Variants in GANAB observed in about 807,000 individuals in gnomAD.
GANAB encodes the protein glucosidase II alpha subunit.
A neutral mutation model predicts 129.9 loss-of-function variants in GANAB; 35 were observed. The ratio of observed to expected loss-of-function variants is 0.27; its 90% CI spans 0.21 to 0.36. GANAB has a LOEUF of 0.36. Ranked by LOEUF, GANAB falls within the 10% of genes least tolerant of loss-of-function variation. The probability of loss-of-function intolerance (pLI) is 1.00; values close to 1 mark genes in which losing one functional copy is unlikely to be tolerated. For synonymous variants in GANAB, 482 were observed against 451.8 expected (o/e 1.07, Z -0.85); for missense variants, 939 against 1,221.0 (o/e 0.77, Z 3.44).
chr11:62,634,313 G>A, intron 5 of GANAB: 1 of 1,599,302 alleles, frequency 6.3e-7, no homozygotes, highest in Non-Finnish European at 8.6e-7. Flanking sequence ...GATTTACCTA[G>A]AGAAAAGGTT....
chr11:62,630,068 C>G, intron 13 of GANAB, 111 bp from the exon 14 acceptor site: 2 of 1,349,766 alleles, frequency 1.5e-6, no homozygotes, highest in Admixed American at 3.7e-5. Context: ...TTTCAGGGCC[C>G]TCCCCGGATC....
intron 4 of GANAB, among the ~76,000 whole-genome samples, chr11:62,637,898 C>CA (rs975916004): frequency 0.011 from 1,388 of 120,866 alleles, 16 homozygotes; most frequent in African/African-American, 0.037. Context: ...GACTCCATCT[C>CA]AAAAAAAAAA....
intron 4 of GANAB, among the ~76,000 whole-genome samples, chr11:62,637,630 C>T (rs745492563): frequency 3.9e-5 from 6 of 152,092 alleles, no homozygotes; most frequent in Non-Finnish European, 8.8e-5. Flanking sequence ...GGCTTATCAA[C>T]CTAAAAATGG....
At chr11:62,633,594 G>C (rs1432236998) in intron 5 of GANAB, 80 bp from the exon 6 acceptor site, 5 of 1,253,192 alleles carry the variant, frequency 4.0e-6, no homozygotes, top group African/African-American at 1.5e-5. Context: ...TTGGGGAATA[G>C]AGAGCCAAGG....
chr11:62,635,759 G>A (rs1943915517), intron 4 of GANAB, among the ~76,000 whole-genome samples: 1 of 151,492 alleles, frequency 6.6e-6, no homozygotes, highest in South Asian at 2.1e-4. Flanking sequence ...CCTAGTAACT[G>A]ATATTACAGG....
At position 62,632,570 on chromosome 11, in the gene GANAB, C is replaced by T. The variant is rs1201511915; in HGVS notation, c.991G>A (p.Gly331Arg). Reference protein sequence around the residue: ...TWVDISSNTAGKTLFGKMMDY... With the variant: ...TWVDISSNTARKTLFGKMMDY... ...CCCCGTGCCTGTGCTCTCACCTTCCCGGCAGTGTTGGAAGATATATCAACC... is the reference window on the plus strand; with the variant it reads ...CCCCGTGCCTGTGCTCTCACCTTCCTGGCAGTGTTGGAAGATATATCAACC... Residue 331 changes from glycine (G) to arginine (R), a missense_variant, in exon 9 of 24, where the codon GGG becomes AGG. This residue lies in a region of GANAB where 220 missense variants were observed against 295.9 expected (regional missense o/e 0.74). Coordinates refer to ENST00000356638, the MANE Select transcript of GANAB (RefSeq NM_198334.3). The T allele has an allele frequency of 3.7e-6, 6 of 1,612,908 alleles. No individual in the cohort carries two copies. The East Asian group carries it at 6.7e-5, about 18-fold the overall frequency.
chr11:62,642,226 A>AT (rs757427072), intron 1 of GANAB, among the ~76,000 whole-genome samples: 49 of 151,740 alleles, frequency 3.2e-4, no homozygotes, highest in East Asian at 1.4e-3. Flanking sequence ...ATAAATAAAA[A>AT]TTTTTTTTGG....
At position 62,626,916 on chromosome 11, in the gene GANAB, T is replaced by C. The variant is rs1446590686; in HGVS notation, c.2341A>G (p.Ser781Gly). ...GQGEVWYDIQ[S>G]YQKHHGPQTL... ...TGGGGACCATGATGCTTCTGGTAGC[T>C]TTGAATGTCATACCACACCTGTGAG... is the stretch of plus-strand genomic sequence containing the variant. The change falls in exon 20 of 24, where the codon AGC (serine) becomes GGC (glycine). Residue 781 changes from serine (S) to glycine (G), a missense_variant. Physicochemically the swap from Ser to Gly is moderately conservative, Grantham distance 56. This residue lies in a region of GANAB where 230 missense variants were observed against 259.9 expected (regional missense o/e 0.89). Coordinates refer to ENST00000356638, the MANE Select transcript of GANAB (RefSeq NM_198334.3). 1.2e-6 allele frequency: 2 copies of C among 1,612,174 alleles called. No homozygotes were observed. The highest frequency in any genetic ancestry group is 1.7e-6 in the Non-Finnish European group (2 of 1,178,364).
In GANAB at chr11:62,625,845, C is replaced by T; in HGVS notation, c.2805G>A (p.Val935=). 1.2e-6 allele frequency: 2 copies of T among 1,612,648 alleles called. No homozygotes were observed. Among genetic ancestry groups the T allele is most frequent in the African/African-American group, 1.3e-5 (1 of 74,992 alleles). The stretch of plus-strand genomic sequence containing the variant: ...GCAGGTGAATACTCCAATCAGATGC[C>T]ACATTGATGCCAGGCTTGCGCAGGA... The part of the protein sequence containing the change: ...VLVLRKPGIN[V]ASDWSIHLR Residue 935 remains valine, a synonymous_variant, in exon 24 of 24, where the codon GTG becomes GTA. Transcript: ENST00000356638.
At chr11:62,637,787 C>T (rs1485888700) in intron 4 of GANAB, among the ~76,000 whole-genome samples, 1 of 151,672 alleles carries the variant, frequency 6.6e-6, no homozygotes, top group Non-Finnish European at 1.5e-5. Flanking sequence ...GTAATTCCAG[C>T]ACTTTGGGAG....
At chr11:62,634,354 G>A in intron 5 of GANAB, 3 of 1,611,608 alleles carry the variant, frequency 1.9e-6, no homozygotes, top group South Asian at 2.2e-5. Context: ...TACCAAGCGT[G>A]AGATTAACCT....
intron 1 of GANAB, among the ~76,000 whole-genome samples, chr11:62,644,022 G>A (rs113151140): frequency 2.7e-4 from 41 of 152,266 alleles, no homozygotes; most frequent in African/African-American, 8.4e-4. Flanking sequence ...TTGGCTCACC[G>A]CAACCTCTGC....
At position 62,646,447 on chromosome 11, in the gene GANAB, G is replaced by T; in HGVS notation, c.38+115C>A. On this transcript the variant is annotated intron_variant, in intron 1 of 23. Coordinates refer to ENST00000356638, the MANE Select transcript of GANAB (RefSeq NM_198334.3). ...TGAGGCCGCCTCCAGAGGAACAAAG[G>T]TTCCTCACGAGGCCGGGGGTGGCAG... The T allele has an allele frequency of 2.4e-6, 3 of 1,225,364 alleles. No individual in the cohort carries two copies. In the South Asian group the frequency reaches 3.7e-5, roughly 15 times the overall value. 75.9% of individuals were successfully genotyped at this position (1,225,364 alleles called of 1,614,324 possible). A position where few individuals can be genotyped will look rare whatever the true frequency, so the allele number is the denominator to read the frequency against.
intron 4 of GANAB, among the ~76,000 whole-genome samples, chr11:62,636,864 T>C (rs920183597): frequency 6.6e-5 from 10 of 152,040 alleles, no homozygotes; most frequent in African/African-American, 2.2e-4. Context: ...GAGGCGGAGG[T>C]TGTGGTGAGC....
At chr11:62,637,053 G>T (rs1040427802) in intron 4 of GANAB, among the ~76,000 whole-genome samples, 1 of 151,910 alleles carries the variant, frequency 6.6e-6, no homozygotes. Context: ...AGGAATTTCT[G>T]TTTATCAAAA....
rs71056537 is a variant in GANAB at position 62,638,580 on chromosome 11, GAGGA to G, written c.380+399_380+402del. ...TCTGAATATCTAAGGAAAAGGAAAG[GAGGA>G]AGGAAGGAAGGAAGGAAGGAAGGAA... On this transcript the variant is annotated intron_variant, in intron 4 of 23. Coordinates refer to ENST00000356638, the MANE Select transcript of GANAB (RefSeq NM_198334.3). 3.6e-3 allele frequency among the ~76,000 whole-genome samples: 522 copies of G among 144,124 alleles called. 7 individuals carry two copies. The highest frequency in any genetic ancestry group is 0.013 in the African/African-American group (489 of 37,976). The allele number at this position is 144,124 out of a possible 152,430, so 94.6% of individuals were successfully genotyped here. A position where few individuals can be genotyped will look rare whatever the true frequency, so the allele number is the denominator to read the frequency against.
At position 62,646,260 on chromosome 11, in the gene GANAB, T is replaced by C. The variant is rs541775113; in HGVS notation, c.38+302A>G. Among the ~76,000 whole-genome samples the C allele has an allele frequency of 6.6e-5, 10 of 152,230 alleles. No individual in the cohort carries two copies. The East Asian group carries it at 9.7e-4, about 15-fold the overall frequency. On this transcript the variant is annotated intron_variant, in intron 1 of 23. Coordinates refer to ENST00000356638, the MANE Select transcript of GANAB (RefSeq NM_198334.3). The stretch of plus-strand genomic sequence containing the variant: ...GCACTGCAGGAAGGGGGCGGCGACG[T>C]TGACCGCCGCAAGCAGCCAAAGGAG...
At chr11:62,644,071 A>T (rs1944375754) in intron 1 of GANAB, among the ~76,000 whole-genome samples, 1 of 152,056 alleles carries the variant, frequency 6.6e-6, no homozygotes, top group Admixed American at 6.5e-5. Flanking sequence ...CTGCCTCCCA[A>T]GTAGCTGGGA....
Position 62,639,034 on chromosome 11 carries a change from C to T in GANAB, c.329G>A (p.Arg110Gln), listed in dbSNP as rs142040088. The stretch of plus-strand genomic sequence containing the variant: ...AACATCTGGTACACGGTATCGGGGT[C>T]GCCGAGGCTCCAGCTCATCAATCCT... Reference protein sequence around the residue: ...RFRIDELEPRRPRYRVPDVLV... With the variant: ...RFRIDELEPRQPRYRVPDVLV... Residue 110 changes from arginine to glutamine, a missense_variant, in exon 4 of 24, where the codon CGA becomes CAA. By Grantham distance (43) the Arg-to-Gln change is conservative. Transcript: ENST00000356638. 1.9e-6 allele frequency: 3 copies of T among 1,613,710 alleles called. No homozygotes were observed. In the African/African-American group the frequency reaches 4.0e-5, roughly 22 times the overall value.
Sources: gnomAD v4.1 joint callset for allele counts (sites outside exome capture counted in the v4.1 genomes callset) on GRCh38, gnomAD v4.1.1 for gene constraint, gnomAD v4.1.1 regional missense constraint, MANE v1.5 for transcripts, NCBI Gene and HGNC (gene_info 2026-07-23, HGNC 2026-07-21) for gene names.